ILDR1: variants seen among roughly 807,000 people sequenced by gnomAD.
The protein encoded by ILDR1 is immunoglobulin like domain containing receptor 1, also known as immunoglobulin-like domain-containing receptor 1.
Under a neutral mutation model 62.4 loss-of-function variants are expected in ILDR1, and 56 were observed. The observed-to-expected ratio is 0.90, with a 90% CI of 0.72 to 1.12. The LOEUF (loss-of-function observed/expected upper bound fraction) is 1.12. ILDR1 is among the 50% of genes most tolerant of loss of function. The pLI, the probability that ILDR1 is intolerant of heterozygous loss-of-function variation, is 0.00. For missense variants in ILDR1, 736 were observed against 710.6 expected, an observed-to-expected ratio of 1.04 and a Z score of -0.41; for synonymous variants, 284 against 277.8, an observed-to-expected ratio of 1.02 and a Z score of -0.22.
In ILDR1 at chr3:122,001,384, G is replaced by A; in HGVS notation, c.570C>T (p.Cys190=). ...AGCAGCAATACTGAGGACAGCACTG[G>A]CACCAGCACACTCCAATCAGCAGCA... ...LLLLLIGVCW[C]QCCPQYCCCY... Residue 190 remains cysteine (C), a synonymous_variant, in exon 5 of 8, where the codon TGC becomes TGT. Transcript: ENST00000344209. The A allele has an allele frequency of 1.2e-6, 2 of 1,614,132 alleles. No homozygotes were observed. Among genetic ancestry groups the A allele is most frequent in the Middle Eastern group, 3.3e-4 (2 of 6,060 alleles).
intron 1 of ILDR1, among the ~76,000 whole-genome samples, chr3:122,019,468 T>C (rs1348765323): frequency 6.6e-6 from 1 of 152,186 alleles, no homozygotes; most frequent in Admixed American, 6.5e-5. Context: ...CTTTGATAGA[T>C]ATTGAGAGCA....
At chr3:122,056,331 T>C in the ILDR1 span, among the ~76,000 whole-genome samples, 4 of 152,262 alleles carry the variant, frequency 2.6e-5, no homozygotes, top group African/African-American at 9.6e-5. Context: ...TATGTATTTA[T>C]TTATTTTTAA....
chr3:122,031,917 T>C, the ILDR1 span, among the ~76,000 whole-genome samples: 9 of 152,244 alleles, frequency 5.9e-5, no homozygotes, highest in Non-Finnish European at 1.2e-4. Flanking sequence ...CATACTTGTT[T>C]TCTTTCTTGC....
the ILDR1 span, among the ~76,000 whole-genome samples, chr3:122,059,693 T>C: frequency 1.5e-4 from 23 of 152,158 alleles, no homozygotes; most frequent in Admixed American, 1.5e-3. Context: ...AGCGTTGAAT[T>C]GTGGCTCCCT....
the ILDR1 span, among the ~76,000 whole-genome samples, chr3:122,051,111 A>G: frequency 6.6e-6 from 1 of 152,000 alleles, no homozygotes; most frequent in South Asian, 2.1e-4. Flanking sequence ...TTCAGTGTCT[A>G]TTTGTTTGGG....
chr3:122,001,446 T>C lies in ILDR1; in HGVS notation c.508A>G (p.Thr170Ala). 1 of 1,614,118 alleles carries C rather than the reference T, an allele frequency of 6.2e-7. No individual in the cohort carries two copies. Among genetic ancestry groups the C allele is most frequent in the Non-Finnish European group, 8.5e-7 (1 of 1,180,002 alleles). ...GCTCCCAGGATGATGAAGATCACTG[T>C]CAGCCAGTCTGCAGGGGAGAAGCCA... ...EVKLIVLHWLTVIFIILGALL... is the reference protein window; with the variant it reads ...EVKLIVLHWLAVIFIILGALL... Residue 170 changes from threonine (T) to alanine (A), a missense_variant, in exon 5 of 8, where the codon ACA (threonine) becomes GCA (alanine). Physicochemically the swap from Thr to Ala is moderately conservative, Grantham distance 58 (BLOSUM62 0). Transcript: ENST00000344209.
intron 5 of ILDR1, among the ~76,000 whole-genome samples, chr3:122,000,443 T>TG: frequency 6.6e-6 from 1 of 152,332 alleles, no homozygotes; most frequent in South Asian, 2.1e-4. Context: ...ACGGAGGTCC[T>TG]GGGAGGGTGG....
At chr3:122,002,523 C>T (rs1576723341) in intron 3 of ILDR1, among the ~76,000 whole-genome samples, 1 of 152,126 alleles carries the variant, frequency 6.6e-6, no homozygotes, top group African/African-American at 2.4e-5. Context: ...GTAAATGTAA[C>T]TCAAGAAGAG....
chr3:122,045,340 A>G, the ILDR1 span, among the ~76,000 whole-genome samples: 62 of 150,374 alleles, frequency 4.1e-4, no homozygotes, highest in African/African-American at 1.4e-3. Flanking sequence ...ACTTCCAACT[A>G]TGTGGTCAAT....
the ILDR1 span, among the ~76,000 whole-genome samples, chr3:122,051,938 G>C: frequency 6.6e-6 from 1 of 152,098 alleles, no homozygotes; most frequent in African/African-American, 2.4e-5. Flanking sequence ...ATTATCTCTT[G>C]CTCCATCTGT....
At chr3:122,061,652 C>T in the ILDR1 span, among the ~76,000 whole-genome samples, 5 of 152,296 alleles carry the variant, frequency 3.3e-5, no homozygotes, top group African/African-American at 1.2e-4. Context: ...CACTACCTAC[C>T]TATAAAAATG....
chr3:121,993,850 TG>T lies in ILDR1; in HGVS notation c.898del (p.Gln300SerfsTer36). The T allele has an allele frequency of 6.2e-7, 1 of 1,614,130 alleles. No individual in the cohort carries two copies. The highest frequency in any genetic ancestry group is 8.5e-7 in the Non-Finnish European group (1 of 1,180,016). On this transcript the variant is annotated frameshift_variant, in exon 7 of 8. Transcript: ENST00000344209. LOFTEE classifies it high-confidence loss of function. Reference sequence around the variant, plus strand: ...GCCTTTGAGGTCAGGGGGCAGAGGCTGGGCCAGGTTGAGGTTCCGCAGTTCT... The same window carrying T: ...GCCTTTGAGGTCAGGGGGCAGAGGCTGGCCAGGTTGAGGTTCCGCAGTTCT... The part of the protein sequence containing the change: ...EKELRNLNLA[Q>X]PLPPDLKGRF...
chr3:122,007,616 G>A (rs1347505876), intron 1 of ILDR1, among the ~76,000 whole-genome samples: 1 of 152,094 alleles, frequency 6.6e-6, no homozygotes, highest in Non-Finnish European at 1.5e-5. Flanking sequence ...CGTCTGCCCC[G>A]TGTCCCTTCA....
At chr3:122,050,710 C>T in the ILDR1 span, among the ~76,000 whole-genome samples, 1 of 151,792 alleles carries the variant, frequency 6.6e-6, no homozygotes, top group African/African-American at 2.4e-5. Context: ...GTATTCTGTA[C>T]CTGTCTATAT....
chr3:122,011,574 C>T (rs1253288417), intron 1 of ILDR1, among the ~76,000 whole-genome samples: 1 of 151,638 alleles, frequency 6.6e-6, no homozygotes, highest in Non-Finnish European at 1.5e-5. Context: ...AGCTCATTCA[C>T]ACTCTCTCCA....
chr3:122,033,392 C>T, the ILDR1 span, among the ~76,000 whole-genome samples: 1 of 150,956 alleles, frequency 6.6e-6, no homozygotes, highest in East Asian at 2.0e-4. Flanking sequence ...GGATATAGTG[C>T]CTTTGTGATT....
chr3:122,015,568 C>T (rs1288040146), intron 1 of ILDR1, among the ~76,000 whole-genome samples: 1 of 152,150 alleles, frequency 6.6e-6, no homozygotes, highest in Non-Finnish European at 1.5e-5. Flanking sequence ...TTATAAGGAG[C>T]TTCCCCCTTC....
chr3:122,042,867 C>T, the ILDR1 span, among the ~76,000 whole-genome samples: 339 of 151,996 alleles, frequency 2.2e-3, 1 homozygote, highest in African/African-American at 8.0e-3. Context: ...TTGTAGGTTG[C>T]CTGTTCACTC....
At chr3:122,018,446 ATGGGTTGATGGGTG>A (rs2071809636) in intron 1 of ILDR1, among the ~76,000 whole-genome samples, 1 of 151,694 alleles carries the variant, frequency 6.6e-6, no homozygotes, top group South Asian at 2.1e-4. Context: ...AATGTAGGTG[ATGGGTTGATGGGTG>A]CAGCAAACCA....
Sources: allele counts gnomAD v4.1 joint callset (sites outside exome capture counted in the v4.1 genomes callset), GRCh38; gene constraint gnomAD v4.1.1; transcripts MANE v1.5; gene names NCBI Gene and HGNC (gene_info 2026-07-23, HGNC 2026-07-21).